The following CTNNA3 variants were observed in gnomAD, a reference collection of about 807,000 sequenced individuals.
The protein encoded by CTNNA3 is catenin alpha-3.
In CTNNA3, 76 loss-of-function variants were observed where a neutral mutation model predicts 95.7. The observed-to-expected ratio is 0.79, with a 90% confidence interval of 0.66 to 0.96. CTNNA3 has a LOEUF of 0.96. Among genes scored for constraint, CTNNA3 ranks in the 40% least tolerant of loss-of-function variants. CTNNA3 has a pLI of 0.00. For synonymous variants in CTNNA3, 431 were observed against 374.4 expected, an observed-to-expected ratio of 1.15 and a Z score of -1.74; for missense variants, 1,191 against 1,089.8, an observed-to-expected ratio of 1.09 and a Z score of -1.31.
chr10:66,788,304 G>A (rs1283697664), intron 7 of CTNNA3, among the ~76,000 whole-genome samples: 1 of 152,222 alleles, frequency 6.6e-6, no homozygotes, highest in East Asian at 1.9e-4. Flanking sequence ...AAGCCTCTCT[G>A]AGCAGGGTGA....
chr10:66,642,436 G>A (rs1260601497), intron 9 of CTNNA3, among the ~76,000 whole-genome samples: 1 of 152,032 alleles, frequency 6.6e-6, no homozygotes, highest in Non-Finnish European at 1.5e-5. Context: ...CACCAGTTGT[G>A]TGAGTGTTGC....
At chr10:66,037,590 T>A (rs1402666687) in intron 15 of CTNNA3, among the ~76,000 whole-genome samples, 1 of 152,234 alleles carries the variant, frequency 6.6e-6, no homozygotes, top group Non-Finnish European at 1.5e-5. Flanking sequence ...TAAACTTATT[T>A]AAAGACTTTG....
intron 12 of CTNNA3, among the ~76,000 whole-genome samples, chr10:66,336,886 T>G (rs1177033702): frequency 6.6e-6 from 1 of 152,098 alleles, no homozygotes; most frequent in East Asian, 1.9e-4. Context: ...ATTTTTGTAA[T>G]AATACTAAGA....
chr10:66,829,483 C>T (rs958995327), intron 7 of CTNNA3, among the ~76,000 whole-genome samples: 6 of 151,724 alleles, frequency 4.0e-5, no homozygotes, highest in Non-Finnish European at 8.8e-5. Context: ...CATGGTGGCA[C>T]ACACCTGTAA....
chr10:66,380,094 A>G (rs1308184303), intron 11 of CTNNA3, among the ~76,000 whole-genome samples: 2 of 152,190 alleles, frequency 1.3e-5, no homozygotes, highest in Non-Finnish European at 2.9e-5. Context: ...TTTAAAACAC[A>G]CACAGAAAAC....
At chr10:66,711,258 C>CA (rs56013857) in intron 9 of CTNNA3, among the ~76,000 whole-genome samples, 93,028 of 118,190 alleles carry the variant, frequency 0.79, 35,971 homozygotes, top group Admixed American at 0.84. Context: ...GAACAAGAAA[C>CA]AAAAAAAAAA....
chr10:67,487,818 C>A (rs909171066), intron 5 of CTNNA3, among the ~76,000 whole-genome samples: 6 of 152,154 alleles, frequency 3.9e-5, no homozygotes, highest in African/African-American at 1.4e-4. Context: ...TGGTGACTGC[C>A]AGCTTCTCTC....
chr10:66,032,727 T>C (rs993923294), intron 15 of CTNNA3, among the ~76,000 whole-genome samples: 3 of 152,206 alleles, frequency 2.0e-5, no homozygotes, highest in Non-Finnish European at 4.4e-5. Context: ...TAAAAAGAAA[T>C]AGCTACTGCA....
chr10:66,229,933 C>A (rs534235696), intron 13 of CTNNA3, among the ~76,000 whole-genome samples: 5 of 151,362 alleles, frequency 3.3e-5, no homozygotes, highest in African/African-American at 1.2e-4. Flanking sequence ...CTTTTCTTTT[C>A]TCCTCTTTTT....
rs927574993 is a variant in CTNNA3 at position 67,676,427 on chromosome 10, G to A, written c.-6+19573C>T. ...TATATGTGTATATGTGGTAATAGCA[G>A]GGTCCACTTCAATAGTTTTGGGTAA... On this transcript the variant is annotated intron_variant, in intron 1 of 17. Coordinates refer to ENST00000433211, the MANE Select transcript of CTNNA3 (RefSeq NM_013266.4). 4.6e-5 allele frequency among the ~76,000 whole-genome samples: 7 copies of A among 152,222 alleles called. No individual in the cohort carries two copies. The South Asian group carries it at 6.2e-4, about 14-fold the overall frequency.
Position 67,715,027 on chromosome 10 carries a change from A to C in CTNNA3, c.-2+48407T>G, listed in dbSNP as rs115278697. On this transcript the variant is annotated intron_variant, in intron 1 of 17. Coordinates refer to the CTNNA3 transcript ENST00000684154. The stretch of plus-strand genomic sequence containing the variant: ...TGGTATGTCTTGATCAGCAGCATGA[A>C]AGCAGACTAATACAGACCTCTTCCT... Among the ~76,000 whole-genome samples, 1,470 of 152,272 alleles carry C rather than the reference A, an allele frequency of 9.7e-3. 27 individuals carry two copies. The highest frequency in any genetic ancestry group is 0.034 in the African/African-American group (1,398 of 41,560).
At chr10:67,481,184 A>C (rs1554842332) in intron 5 of CTNNA3, among the ~76,000 whole-genome samples, 1 of 152,182 alleles carries the variant, frequency 6.6e-6, no homozygotes, top group Non-Finnish European at 1.5e-5. Context: ...CTGAATGAGC[A>C]AAAGCTGGAA....
chr10:67,553,746 A>G (rs1188115878), intron 3 of CTNNA3, among the ~76,000 whole-genome samples: 7 of 152,024 alleles, frequency 4.6e-5, no homozygotes, highest in East Asian at 3.9e-4. Flanking sequence ...ATGACCAGTC[A>G]TCTTTTTTTC....
intron 10 of CTNNA3, among the ~76,000 whole-genome samples, chr10:66,536,101 G>A (rs1286240629): frequency 6.6e-6 from 1 of 151,780 alleles, no homozygotes; most frequent in African/African-American, 2.4e-5. Context: ...TGTTGAAACA[G>A]GGTGATGGAT....
intron 9 of CTNNA3, among the ~76,000 whole-genome samples, chr10:66,669,259 G>A (rs1846570930): frequency 6.6e-6 from 1 of 151,948 alleles, no homozygotes. Flanking sequence ...GAAATCTAAA[G>A]TTGCCCGAGC....
At chr10:67,526,271 C>T (rs939756315) in intron 4 of CTNNA3, among the ~76,000 whole-genome samples, 2 of 150,750 alleles carry the variant, frequency 1.3e-5, no homozygotes, top group Admixed American at 1.3e-4. Context: ...AATGAACTTA[C>T]AAGATGATAA....
At chr10:66,243,569 G>T (rs2090189862) in intron 13 of CTNNA3, among the ~76,000 whole-genome samples, 2 of 152,070 alleles carry the variant, frequency 1.3e-5, no homozygotes, top group South Asian at 4.1e-4. Flanking sequence ...TGATCTGGAA[G>T]CCCCGGCTTT....
chr10:66,090,573 A>C (rs113477741), intron 14 of CTNNA3, among the ~76,000 whole-genome samples: 79 of 152,172 alleles, frequency 5.2e-4, no homozygotes, highest in African/African-American at 1.9e-3. Context: ...AGCAGTTAGT[A>C]AGTGGCAAAG....
chr10:66,170,173 A>G (rs1234211668), intron 13 of CTNNA3, among the ~76,000 whole-genome samples: 1 of 148,040 alleles, frequency 6.8e-6, no homozygotes, highest in Admixed American at 6.7e-5. Flanking sequence ...TAAGTCCTTG[A>G]TCCATCCTGA....
Sources: allele counts gnomAD v4.1 joint callset (sites outside exome capture counted in the v4.1 genomes callset), GRCh38; gene constraint gnomAD v4.1.1; transcripts MANE v1.5; gene names NCBI Gene and HGNC (gene_info 2026-07-23, HGNC 2026-07-21).